CATSPERB: variants seen among roughly 807,000 people sequenced by gnomAD.
The protein encoded by CATSPERB is catsper channel auxiliary subunit beta, also known as cation channel sperm-associated auxiliary subunit beta.
Under a neutral mutation model 128.3 loss-of-function variants are expected in CATSPERB, and 93 were observed. That is an observed-to-expected ratio of 0.72 (90% CI 0.61 to 0.86). The LOEUF (loss-of-function observed/expected upper bound fraction) is 0.86. Among genes scored for constraint, CATSPERB ranks in the 40% least tolerant of loss-of-function variants. CATSPERB has a pLI of 0.00. For missense variants in CATSPERB, 1,153 were observed against 1,329.5 expected (o/e 0.87, Z 2.06); for synonymous variants, 381 against 448.8 (o/e 0.85, Z 1.91).
chr14:91,584,320 C>T (rs1002803350), intron 26 of CATSPERB, among the ~76,000 whole-genome samples: 8 of 152,232 alleles, frequency 5.3e-5, no homozygotes, highest in Non-Finnish European at 7.4e-5. Context: ...CTACCCATGT[C>T]GGCCTCCCAA....
chr14:91,612,163 G>A (rs1335825502), intron 20 of CATSPERB, among the ~76,000 whole-genome samples: 2 of 151,820 alleles, frequency 1.3e-5, no homozygotes, highest in African/African-American at 4.8e-5. Flanking sequence ...GGGCTCAAGC[G>A]ATCCTCTCAC....
intron 14 of CATSPERB, among the ~76,000 whole-genome samples, chr14:91,666,666 A>C (rs960474985): frequency 5.9e-5 from 9 of 152,280 alleles, no homozygotes; most frequent in South Asian, 4.2e-4. Context: ...AGGCTATCAA[A>C]ATAATACAAG....
chr14:91,616,733 C>CTTT lies in CATSPERB; in HGVS notation c.2400+861_2400+863dup, dbSNP rs1555360386. Among the ~76,000 whole-genome samples, 505 of 84,600 alleles carry CTTT rather than the reference C, an allele frequency of 6.0e-3. 1 individual carries two copies. The highest frequency in any genetic ancestry group is 7.8e-3 in the Non-Finnish European group (351 of 44,722). The allele number at this position is 84,600 out of a possible 152,430, so 55.5% of individuals were successfully genotyped here. A position where few individuals can be genotyped will look rare whatever the true frequency, so the allele number is the denominator to read the frequency against. ...ATTTCTTATTATTTAAAGTATTCCC[C>CTTT]TTTTTTTTTTTTTTTTTTTTTTTTT... is the stretch of plus-strand genomic sequence containing the variant. On this transcript the variant is annotated intron_variant, in intron 20 of 26. Transcript: ENST00000256343.
intron 11 of CATSPERB, among the ~76,000 whole-genome samples, chr14:91,682,837 A>G (rs1895306986): frequency 6.6e-6 from 1 of 152,072 alleles, no homozygotes; most frequent in Non-Finnish European, 1.5e-5. Context: ...CCATGCCATC[A>G]CTCTTCTTAC....
chr14:91,661,524 C>CATATATATATATAT (rs58330624), intron 14 of CATSPERB, among the ~76,000 whole-genome samples: 6,008 of 126,632 alleles, frequency 0.047, 191 homozygotes, highest in Non-Finnish European at 0.062. Flanking sequence ...CAGATGCTAT[C>CATATATATATATAT]ATATATATAT....
At chr14:91,588,686 C>T (rs1283901090) in intron 24 of CATSPERB, among the ~76,000 whole-genome samples, 3 of 152,090 alleles carry the variant, frequency 2.0e-5, no homozygotes, top group Non-Finnish European at 4.4e-5. Context: ...AGTGTAAATA[C>T]TCTCACCCTG....
At chr14:91,706,681 T>C (rs924147866) in intron 6 of CATSPERB, among the ~76,000 whole-genome samples, 1 of 152,228 alleles carries the variant, frequency 6.6e-6, no homozygotes, top group African/African-American at 2.4e-5. Context: ...TAAAGATTTC[T>C]AACTCTAGCC....
intron 5 of CATSPERB, among the ~76,000 whole-genome samples, chr14:91,715,710 A>C (rs1291051554): frequency 1.4e-4 from 21 of 152,180 alleles, no homozygotes; most frequent in Admixed American, 1.4e-3. Context: ...ATAATAACCA[A>C]AACAATTTTG....
At chr14:91,670,978 G>A (rs944912780) in intron 13 of CATSPERB, among the ~76,000 whole-genome samples, 3 of 152,078 alleles carry the variant, frequency 2.0e-5, no homozygotes, top group African/African-American at 7.2e-5. Context: ...ACTCCAGCCT[G>A]GGTGACAGGG....
intron 9 of CATSPERB, among the ~76,000 whole-genome samples, chr14:91,692,827 CAT>C (rs1441921162): frequency 2.6e-5 from 4 of 152,130 alleles, no homozygotes; most frequent in African/African-American, 9.7e-5. Flanking sequence ...ATTTGGGTAA[CAT>C]ATATAGCTAT....
chr14:91,660,114 T>TCACA lies in CATSPERB; in HGVS notation c.1288-134_1288-133insTGTG, dbSNP rs34606282. The TCACA allele has an allele frequency of 8.3e-3, 2,907 of 352,198 alleles. 26 individuals are homozygous for TCACA. The highest frequency in any genetic ancestry group is 0.054 in the African/African-American group (1,650 of 30,376). 21.8% of individuals were successfully genotyped at this position (352,198 alleles called of 1,614,324 possible). On this transcript the variant is annotated intron_variant, in intron 14 of 26. Coordinates refer to ENST00000256343, the MANE Select transcript of CATSPERB (RefSeq NM_024764.4). ...GCCTACATTCATCTCTCTCTCTCTCTCTCACACACACACACACACACACAC... is the reference window on the plus strand; with the variant it reads ...GCCTACATTCATCTCTCTCTCTCTCTCACACTCACACACACACACACACACACAC...
chr14:91,609,203 T>G (rs1316239025), intron 21 of CATSPERB, among the ~76,000 whole-genome samples: 9 of 152,100 alleles, frequency 5.9e-5, no homozygotes, highest in Non-Finnish European at 1.5e-5. Flanking sequence ...AATTCACCTT[T>G]TTTTTTTTGT....
chr14:91,718,681 TAAGAC>T (rs1895981441), intron 5 of CATSPERB, among the ~76,000 whole-genome samples: 1 of 152,206 alleles, frequency 6.6e-6, no homozygotes, highest in African/African-American at 2.4e-5. Context: ...AAAATACAGA[TAAGAC>T]AGACAAACAG....
chr14:91,695,819 GTTGAC>G, intron 7 of CATSPERB, among the ~76,000 whole-genome samples: 1 of 152,312 alleles, frequency 6.6e-6, no homozygotes, highest in Non-Finnish European at 1.5e-5. Flanking sequence ...AATAAAAAAT[GTTGAC>G]TTGACCTAAG....
chr14:91,610,322 A>G (rs1028846598), intron 21 of CATSPERB, among the ~76,000 whole-genome samples, 158 bp downstream of exon 21: 12 of 152,338 alleles, frequency 7.9e-5, no homozygotes, highest in African/African-American at 2.6e-4. Context: ...ACAGCTTAGA[A>G]ATCATCACAT....
At chr14:91,725,829 C>T (rs1337315604) in intron 2 of CATSPERB, among the ~76,000 whole-genome samples, 1 of 152,210 alleles carries the variant, frequency 6.6e-6, no homozygotes, top group Admixed American at 6.5e-5. Context: ...TGAAAACAGG[C>T]ATTTCTGTTT....
intron 17 of CATSPERB, among the ~76,000 whole-genome samples, chr14:91,627,307 A>C (rs1272424494): frequency 6.6e-6 from 1 of 152,182 alleles, no homozygotes. Flanking sequence ...CATATAAAGG[A>C]CTGTTATCCA....
chr14:91,672,449 T>C (rs1895114236), intron 13 of CATSPERB, among the ~76,000 whole-genome samples: 2 of 152,262 alleles, frequency 1.3e-5, no homozygotes, highest in Admixed American at 6.5e-5. Context: ...AACTGTCAGT[T>C]TATGTGTTTT....
intron 10 of CATSPERB, among the ~76,000 whole-genome samples, chr14:91,689,232 G>A (rs72703370): frequency 0.33 from 49,460 of 151,884 alleles, 8,290 homozygotes; most frequent in South Asian, 0.5. Context: ...CTAGGATTTC[G>A]CGGAGCTCTG....
Sources: gnomAD v4.1 joint callset for allele counts (sites outside exome capture counted in the v4.1 genomes callset) on GRCh38, gnomAD v4.1.1 for gene constraint, MANE v1.5 for transcripts, NCBI Gene and HGNC (gene_info 2026-07-23, HGNC 2026-07-21) for gene names.